Variants in ABCA1 observed in about 807,000 individuals in gnomAD.
The protein encoded by ABCA1 is phospholipid-transporting ATPase ABCA1.
In ABCA1, 133 loss-of-function variants were observed where a neutral mutation model predicts 262.5. That is an observed-to-expected ratio of 0.51 (90% CI 0.44 to 0.59). ABCA1 has a LOEUF of 0.59. ABCA1 is among the 20% of genes least tolerant of loss of function. The pLI, the probability that ABCA1 is intolerant of heterozygous loss-of-function variation, is 0.00. For synonymous variants in ABCA1, 1,022 were observed against 1,043.5 expected, an observed-to-expected ratio of 0.98 and a Z score of 0.40; for missense variants, 2,452 against 2,777.5, an observed-to-expected ratio of 0.88 and a Z score of 2.63.
chr9:104,833,371 A>C (rs1468469630), intron 11 of ABCA1, among the ~76,000 whole-genome samples: 1 of 152,118 alleles, frequency 6.6e-6, no homozygotes, highest in Non-Finnish European at 1.5e-5. Flanking sequence ...TCATAGAGAC[A>C]GAGTCTTGCC....
intron 1 of ABCA1, among the ~76,000 whole-genome samples, chr9:104,926,027 G>T (rs79685105): frequency 2.3e-5 from 3 of 130,250 alleles, no homozygotes; most frequent in Non-Finnish European, 4.9e-5. Context: ...AAAAAAAAAA[G>T]AAAAAAAAAT....
chr9:104,890,776 T>C (rs1339061572), intron 2 of ABCA1, among the ~76,000 whole-genome samples: 2 of 152,028 alleles, frequency 1.3e-5, no homozygotes, highest in Non-Finnish European at 2.9e-5. Context: ...AGCAGAAATT[T>C]TTTCTTGATC....
intron 37 of ABCA1, 76 bp downstream of exon 37, chr9:104,798,344 GA>G: frequency 6.6e-7 from 1 of 1,516,234 alleles, no homozygotes; most frequent in Non-Finnish European, 9.2e-7. Context: ...ATGATAGCCA[GA>G]GCTCTTTCTT....
intron 8 of ABCA1, among the ~76,000 whole-genome samples, chr9:104,844,917 A>T (rs1299596033): frequency 1.3e-5 from 2 of 152,248 alleles, no homozygotes; most frequent in African/African-American, 4.8e-5. Context: ...ATCCTAGGAC[A>T]GAGATTACTC....
chr9:104,819,889 G>T, intron 21 of ABCA1, 38 bp downstream of exon 21: 1 of 1,609,972 alleles, frequency 6.2e-7, no homozygotes, highest in South Asian at 1.1e-5. Context: ...GCCGGAGGAG[G>T]AGGGGAGAGG....
At chr9:104,872,529 G>A (rs548189729) in intron 5 of ABCA1, among the ~76,000 whole-genome samples, 25 of 152,238 alleles carry the variant, frequency 1.6e-4, no homozygotes, top group Admixed American at 1.4e-3. Flanking sequence ...TTCGAGCCTC[G>A]GTTTCCTCAT....
At chr9:104,795,982 A>G in intron 39 of ABCA1, 71 bp downstream of exon 39, 1 of 1,601,786 alleles carries the variant, frequency 6.2e-7, no homozygotes, top group Non-Finnish European at 8.5e-7. Context: ...GAATAAGATC[A>G]CAATTAAACA....
intron 5 of ABCA1, among the ~76,000 whole-genome samples, chr9:104,869,686 G>T (rs1287392410): frequency 6.6e-6 from 1 of 151,980 alleles, no homozygotes; most frequent in Non-Finnish European, 1.5e-5. Context: ...GTAGGCCAGG[G>T]GTGTGTGGTA....
At chr9:104,906,206 G>A (rs1841122327) in intron 1 of ABCA1, among the ~76,000 whole-genome samples, 1 of 152,168 alleles carries the variant, frequency 6.6e-6, no homozygotes, top group Non-Finnish European at 1.5e-5. Context: ...TTTCTGGAAA[G>A]ATAGGAGGGG....
At chr9:104,856,663 G>A (rs1305703947) in intron 7 of ABCA1, among the ~76,000 whole-genome samples, 1 of 152,194 alleles carries the variant, frequency 6.6e-6, no homozygotes, top group Non-Finnish European at 1.5e-5. Context: ...ACCGGGTTGT[G>A]TACACAATAG....
At chr9:104,862,008 T>A (rs1419487130) in intron 5 of ABCA1, among the ~76,000 whole-genome samples, 1 of 151,150 alleles carries the variant, frequency 6.6e-6, no homozygotes, top group Non-Finnish European at 1.5e-5. Flanking sequence ...TGAGCCACAC[T>A]CAGCATGTGC....
At chr9:104,800,363 C>T (rs1830224484) in intron 35 of ABCA1, 147 bp downstream of exon 35, 7 of 777,282 alleles carry the variant, frequency 9.0e-6, no homozygotes, top group Non-Finnish European at 6.6e-6. Flanking sequence ...CACTACACTA[C>T]ACCGTACTGC....
At chr9:104,863,053 CCT>C (rs1836776131) in intron 5 of ABCA1, among the ~76,000 whole-genome samples, 1 of 151,784 alleles carries the variant, frequency 6.6e-6, no homozygotes, top group African/African-American at 2.4e-5. Flanking sequence ...AATAATAGGC[CCT>C]CTGAGTACAG....
chr9:104,839,718 T>C (rs1834197414), intron 9 of ABCA1, among the ~76,000 whole-genome samples: 1 of 152,212 alleles, frequency 6.6e-6, no homozygotes, highest in Admixed American at 6.5e-5. Flanking sequence ...TATGTATACT[T>C]TGTAAAAGGA....
chr9:104,822,859 G>A (rs902226766), intron 18 of ABCA1, among the ~76,000 whole-genome samples, 192 bp from the exon 19 acceptor site: 5 of 152,130 alleles, frequency 3.3e-5, no homozygotes, highest in African/African-American at 9.7e-5. Context: ...ATGGGAATAC[G>A]ATGATAAAGG....
chr9:104,840,174 T>C (rs1834238334), intron 9 of ABCA1, 105 bp downstream of exon 9: 22 of 1,589,710 alleles, frequency 1.4e-5, no homozygotes, highest in Middle Eastern at 4.3e-4. Context: ...AATGGGCATG[T>C]AGACATCTAA....
At chr9:104,847,575 G>C (rs1299364644) in intron 7 of ABCA1, among the ~76,000 whole-genome samples, 1 of 152,120 alleles carries the variant, frequency 6.6e-6, no homozygotes. Context: ...TCCTTTCTCT[G>C]TTTCTCGGCA....
At chr9:104,832,471 C>T in intron 12 of ABCA1, 103 bp downstream of exon 12, 1 of 1,248,252 alleles carries the variant, frequency 8.0e-7, no homozygotes, top group South Asian at 1.3e-5. Flanking sequence ...GTAAATGAGA[C>T]TATACATTAT....
rs761324727 is a variant in ABCA1 at position 104,802,133 on chromosome 9, C to T, written c.4619G>A (p.Ser1540Asn). ...ACTCGGAGGAAGTGCTTGAGTATTA[C>T]TGACACCCAGGGAAAAGCCGCCATA... is the stretch of plus-strand genomic sequence containing the variant. ...FRYGGFSLGV[S>N]NTQALPPSQE... Residue 1540 changes from serine (S) to asparagine (N), a missense_variant, in exon 34 of 50, where the codon AGT becomes AAT. By Grantham distance (46) the Ser-to-Asn change is conservative. Coordinates refer to ENST00000374736, the MANE Select transcript of ABCA1 (RefSeq NM_005502.4). 4 of 1,614,040 alleles carry T rather than the reference C, an allele frequency of 2.5e-6. No homozygotes were observed. Among genetic ancestry groups the T allele is most frequent in the Non-Finnish European group, 1.7e-6 (2 of 1,180,046 alleles).
Sources: gnomAD v4.1 joint callset for allele counts (sites outside exome capture counted in the v4.1 genomes callset) on GRCh38, gnomAD v4.1.1 for gene constraint, MANE v1.5 for transcripts, NCBI Gene and HGNC (gene_info 2026-07-23, HGNC 2026-07-21) for gene names.